Variants in LRRC42 observed in about 807,000 individuals in gnomAD.
The protein encoded by LRRC42 is leucine-rich repeat-containing protein 42.
A neutral mutation model predicts 44.3 loss-of-function variants in LRRC42; 43 were observed. The ratio of observed to expected loss-of-function variants is 0.97; its 90% confidence interval spans 0.76 to 1.25. The LOEUF is 1.25. LRRC42 is among the 50% of genes most tolerant of loss of function. The probability of loss-of-function intolerance (pLI) is 0.00; values close to 1 mark genes in which losing one functional copy is unlikely to be tolerated. For synonymous variants in LRRC42, 207 were observed against 195.2 expected, an observed-to-expected ratio of 1.06 and a Z score of -0.50; for missense variants, 540 against 509.1, an observed-to-expected ratio of 1.06 and a Z score of -0.58.
At chr1:53,954,038 C>G (rs2100920671) in intron 3 of LRRC42, among the ~76,000 whole-genome samples, 1 of 152,274 alleles carries the variant, frequency 6.6e-6, no homozygotes, top group Non-Finnish European at 1.5e-5. Context: ...CAGCCGGCAG[C>G]TTACTATTAA....
chr1:53,952,493 A>T, intron 3 of LRRC42, 21 bp downstream of exon 3: 1 of 1,558,728 alleles, frequency 6.4e-7, no homozygotes, highest in Non-Finnish European at 8.7e-7. Context: ...TGATTAGATT[A>T]TTCGGTATTT....
chr1:53,948,666 A>G (rs767772245), intron 2 of LRRC42, among the ~76,000 whole-genome samples: 17 of 152,158 alleles, frequency 1.1e-4, no homozygotes, highest in Non-Finnish European at 2.1e-4. Flanking sequence ...TGTAGTGACT[A>G]AGTATTTTAA....
In LRRC42 at chr1:53,952,043, C is replaced by T; in HGVS notation, c.44C>T (p.Pro15Leu). The T allele has an allele frequency of 6.2e-7, 1 of 1,614,124 alleles. No individual in the cohort carries two copies. Among genetic ancestry groups the T allele is most frequent in the Non-Finnish European group, 8.5e-7 (1 of 1,180,018 alleles). The change falls in exon 3 of 9, where the codon CCC becomes CTC. Residue 15 changes from proline to leucine, a missense_variant. Coordinates refer to ENST00000371370, the MANE Select transcript of LRRC42 (RefSeq NM_001256409.2). ...TCAGAAAACCACCTGGACCCAGGGC[C>T]CATCTACATGCGAGAAAATGGGCAG... Reference protein sequence around the residue: ...LSSENHLDPGPIYMRENGQLH... With the variant: ...LSSENHLDPGLIYMRENGQLH...
At chr1:53,963,422 G>C (rs1010841039) in intron 7 of LRRC42, among the ~76,000 whole-genome samples, 3 of 152,234 alleles carry the variant, frequency 2.0e-5, no homozygotes, top group Non-Finnish European at 4.4e-5. Flanking sequence ...AAAGAGCATA[G>C]GCTGTGGAGT....
chr1:53,962,193 AT>A, intron 6 of LRRC42, 71 bp downstream of exon 6: 1 of 1,465,998 alleles, frequency 6.8e-7, no homozygotes, highest in Non-Finnish European at 9.5e-7. Context: ...GCTAATTGGT[AT>A]TTAGAAAGGG....
intron 4 of LRRC42, among the ~76,000 whole-genome samples, chr1:53,959,493 C>A (rs1654935199): frequency 6.6e-6 from 1 of 152,168 alleles, no homozygotes; most frequent in South Asian, 2.1e-4. Flanking sequence ...CTACCTACTG[C>A]CCCATAAAAA....
chr1:53,955,889 A>C (rs560429445), intron 3 of LRRC42, among the ~76,000 whole-genome samples: 5 of 152,232 alleles, frequency 3.3e-5, no homozygotes, highest in Non-Finnish European at 7.4e-5. Context: ...CGGCCTCCCA[A>C]AGTGCTGGGA....
At position 53,958,198 on chromosome 1, in the gene LRRC42, C is replaced by T; in HGVS notation, c.523C>T (p.Leu175=). The stretch of plus-strand genomic sequence containing the variant: ...TGAGGAGATTAAGTCTTTCCGGGAG[C>T]TGACCTGCCTGGATCTTTCCTGTTG... The part of the protein sequence containing the change: ...KLEEIKSFRE[L]TCLDLSCCKL... The change falls in exon 4 of 9, where the codon CTG becomes TTG. Residue 175 remains leucine (L), a synonymous_variant. Coordinates refer to ENST00000371370, the MANE Select transcript of LRRC42 (RefSeq NM_001256409.2). 2 of 1,613,910 alleles carry T rather than the reference C, an allele frequency of 1.2e-6. No homozygotes were observed. The highest frequency in any genetic ancestry group is 1.7e-4 in the Middle Eastern group (1 of 6,060).
intron 7 of LRRC42, 90 bp downstream of exon 7, chr1:53,962,499 A>T (rs1293623656): frequency 6.2e-6 from 5 of 802,762 alleles, no homozygotes; most frequent in African/African-American, 1.7e-5. Context: ...ACAGTAATCC[A>T]CTTGGTAGTC....
At chr1:53,951,930 A>C in intron 2 of LRRC42, 56 bp from the exon 3 acceptor site, 1 of 1,337,094 alleles carries the variant, frequency 7.5e-7, no homozygotes, top group Non-Finnish European at 1.0e-6. Flanking sequence ...AGATGAAGTT[A>C]CATGTTACAA....
Position 53,958,206 on chromosome 1 carries a change from C to T in LRRC42, c.531C>T (p.Cys177=), listed in dbSNP as rs772954862. ...TTAAGTCTTTCCGGGAGCTGACCTG[C>T]CTGGATCTTTCCTGTTGCAAGCTTG... The part of the protein sequence containing the change: ...EEIKSFRELT[C]LDLSCCKLGD... Residue 177 remains cysteine (C), a synonymous_variant, in exon 4 of 9, where the codon TGC becomes TGT. Coordinates refer to ENST00000371370, the MANE Select transcript of LRRC42 (RefSeq NM_001256409.2). 8 of 1,613,906 alleles carry T rather than the reference C, an allele frequency of 5.0e-6. No homozygotes were observed. The East Asian group carries it at 1.8e-4, about 36-fold the overall frequency.
chr1:53,967,922 T>C lies in LRRC42; in HGVS notation c.1270T>C (p.Leu424=). 6.2e-7 allele frequency: 1 copy of C among 1,613,762 alleles called. No individual in the cohort carries two copies. Among genetic ancestry groups the C allele is most frequent in the South Asian group, 1.1e-5 (1 of 91,072 alleles). The change falls in exon 9 of 9, where the codon TTG becomes CTG. Residue 424 remains leucine (L), a synonymous_variant. Transcript: ENST00000371370. The part of the protein sequence containing the change: ...YVCLAVEDWD[L]LNSY ...ATGTCTTGCTGTGGAAGACTGGGAC[T>C]TGTTAAATTCCTATTGATTAGTAGA... is the stretch of plus-strand genomic sequence containing the variant.
In LRRC42 at chr1:53,958,265, A is replaced by T. The variant is rs781425797; in HGVS notation, c.590A>T (p.Asn197Ile). 1 of 1,613,696 alleles carries T rather than the reference A, an allele frequency of 6.2e-7. No homozygotes were observed. The highest frequency in any genetic ancestry group is 8.5e-7 in the Non-Finnish European group (1 of 1,179,690). ...CATGAACTTCTAGAACATCTCACCAATGAAGCCCTGTCTAGGTACTGACCT... is the reference window on the plus strand; with the variant it reads ...CATGAACTTCTAGAACATCTCACCATTGAAGCCCTGTCTAGGTACTGACCT... ...DEHELLEHLTNEALSSVTQLH... is the reference protein window; with the variant it reads ...DEHELLEHLTIEALSSVTQLH... The change falls in exon 4 of 9, where the codon AAT becomes ATT. Residue 197 changes from asparagine to isoleucine, a missense_variant. Transcript: ENST00000371370.
rs1327989518 is a variant in LRRC42 at position 53,968,005 on chromosome 1, A to T, written c.*66A>T. 1.3e-6 allele frequency: 2 copies of T among 1,514,460 alleles called. No homozygotes were observed. The highest frequency in any genetic ancestry group is 1.4e-5 in the African/African-American group (1 of 71,712). The allele number at this position is 1,514,460 out of a possible 1,614,324, so 93.8% of individuals were successfully genotyped here. A position where few individuals can be genotyped will look rare whatever the true frequency, so the allele number is the denominator to read the frequency against. On this transcript the variant is annotated 3_prime_UTR_variant, in exon 9 of 9. Transcript: ENST00000371370. Reference sequence around the variant, plus strand: ...AGTGTTTGAGTAAAGGAGACTGAGGATGATTTACTTTTTGTTTGAATTTAC... The same window carrying T: ...AGTGTTTGAGTAAAGGAGACTGAGGTTGATTTACTTTTTGTTTGAATTTAC...
rs1655104721 is a variant in LRRC42, at chr1:53,965,441, C to G, written c.928-855C>G. Among the ~76,000 whole-genome samples the G allele has an allele frequency of 2.7e-5, 4 of 150,668 alleles. No homozygotes were observed. The South Asian group carries it at 8.4e-4, about 32-fold the overall frequency. ...TATATTGAAATGATCATTTGCTTTT[C>G]TTAATGTATAGTTTATATTCAGGCA... On this transcript the variant is annotated intron_variant, in intron 7 of 8. Coordinates refer to ENST00000371370, the MANE Select transcript of LRRC42 (RefSeq NM_001256409.2).
At chr1:53,961,255 C>CA (rs1654987136) in intron 5 of LRRC42, among the ~76,000 whole-genome samples, 1 of 151,976 alleles carries the variant, frequency 6.6e-6, no homozygotes, top group African/African-American at 2.4e-5. Flanking sequence ...TAAAAAGATA[C>CA]AAAAAATCAG....
At chr1:53,962,504 G>C (rs1234914197) in intron 7 of LRRC42, 95 bp downstream of exon 7, 1 of 765,294 alleles carries the variant, frequency 1.3e-6, no homozygotes, top group Non-Finnish European at 2.3e-6. Context: ...AATCCACTTG[G>C]TAGTCCTTGG....
intron 7 of LRRC42, among the ~76,000 whole-genome samples, chr1:53,964,706 T>C (rs564824822): frequency 6.6e-6 from 1 of 152,338 alleles, no homozygotes; most frequent in African/African-American, 2.4e-5. Context: ...AAACTCTTTA[T>C]GTGTATTATC....
intron 3 of LRRC42, among the ~76,000 whole-genome samples, chr1:53,953,967 A>T (rs1457343031): frequency 6.6e-6 from 1 of 151,312 alleles, no homozygotes; most frequent in African/African-American, 2.4e-5. Flanking sequence ...TCCTGACCTC[A>T]GGTGATCCAC....
Sources: gnomAD v4.1 joint callset for allele counts (sites outside exome capture counted in the v4.1 genomes callset) on GRCh38, gnomAD v4.1.1 for gene constraint, MANE v1.5 for transcripts, NCBI Gene and HGNC (gene_info 2026-07-23, HGNC 2026-07-21) for gene names.